The following TRPM6 variants were observed in gnomAD, a reference collection of about 807,000 sequenced individuals.
TRPM6 encodes channel kinase 2.
In TRPM6, 111 loss-of-function variants were observed where a neutral mutation model predicts 247.6. The ratio of observed to expected loss-of-function variants is 0.45; its 90% CI spans 0.38 to 0.52. The LOEUF is 0.52. Ranked by LOEUF, TRPM6 falls within the 20% of genes least tolerant of loss-of-function variation. TRPM6 has a pLI of 0.00. For synonymous variants in TRPM6, 892 were observed against 853.8 expected, an observed-to-expected ratio of 1.04 and a Z score of -0.78; for missense variants, 2,126 against 2,421.5, an observed-to-expected ratio of 0.88 and a Z score of 2.56.
chr9:74,843,789 TG>T (rs1387773765), intron 3 of TRPM6, among the ~76,000 whole-genome samples: 1 of 133,774 alleles, frequency 7.5e-6, no homozygotes, highest in African/African-American at 2.9e-5. Flanking sequence ...CACTTCAGCC[TG>T]GGCGACAAAG....
Position 74,723,828 on chromosome 9 carries a change from A to T in TRPM6, c.*785T>A, listed in dbSNP as rs28683721. The stretch of plus-strand genomic sequence containing the variant: ...TAAAAATATATATATATATATATAA[A>T]ATATATATATTCCATATGTATTTTA... On this transcript the variant is annotated 3_prime_UTR_variant, in exon 39 of 39. Coordinates refer to ENST00000360774, the MANE Select transcript of TRPM6 (RefSeq NM_017662.5). 7.1e-6 allele frequency: 1 copy of T among 141,222 alleles called. No homozygotes were observed. The highest frequency in any genetic ancestry group is 2.6e-5 in the African/African-American group (1 of 38,604). 8.7% of individuals were successfully genotyped at this position (141,222 alleles called of 1,614,324 possible). A position where few individuals can be genotyped will look rare whatever the true frequency, so the allele number is the denominator to read the frequency against.
chr9:74,791,504 A>T (rs575101266), intron 19 of TRPM6, among the ~76,000 whole-genome samples: 14 of 151,642 alleles, frequency 9.2e-5, no homozygotes, highest in East Asian at 3.9e-4. Flanking sequence ...AAAAATATTT[A>T]AAAAAAAAGA....
chr9:74,862,419 T>C (rs1030775343), intron 1 of TRPM6, among the ~76,000 whole-genome samples: 2 of 152,160 alleles, frequency 1.3e-5, no homozygotes, highest in Non-Finnish European at 2.9e-5. Context: ...GCTTTTTAAT[T>C]GTTGTAATTT....
chr9:74,879,585 C>T (rs1384989360), intron 1 of TRPM6, among the ~76,000 whole-genome samples: 2 of 152,144 alleles, frequency 1.3e-5, no homozygotes, highest in Non-Finnish European at 2.9e-5. Context: ...GGCCTTAAGT[C>T]CCTTCCCAGA....
At chr9:74,781,810 A>T (rs1442002992) in intron 23 of TRPM6, among the ~76,000 whole-genome samples, 1 of 152,144 alleles carries the variant, frequency 6.6e-6, no homozygotes, top group Non-Finnish European at 1.5e-5. Context: ...GTTACATTGT[A>T]CTTTCCCCCC....
chr9:74,740,201 G>C (rs533695101), intron 33 of TRPM6, among the ~76,000 whole-genome samples, 192 bp from the exon 34 acceptor site: 1 of 152,216 alleles, frequency 6.6e-6, no homozygotes, highest in East Asian at 1.9e-4. Flanking sequence ...TTGTCTAGTA[G>C]ATGTGGGGAA....
chr9:74,823,585 A>T (rs146845976), intron 7 of TRPM6, among the ~76,000 whole-genome samples: 1 of 152,122 alleles, frequency 6.6e-6, no homozygotes, highest in Non-Finnish European at 1.5e-5. Flanking sequence ...TATTTTCTCC[A>T]TATCACTAAA....
chr9:74,857,150 G>A (rs12378991), intron 2 of TRPM6, among the ~76,000 whole-genome samples: 8,653 of 152,104 alleles, frequency 0.057, 311 homozygotes, highest in Middle Eastern at 0.11. Flanking sequence ...AAAAAATGAA[G>A]GGGAAAAACA....
At chr9:74,808,204 C>A (rs1486158931) in intron 13 of TRPM6, 30 bp from the exon 14 acceptor site, 6 of 1,613,564 alleles carry the variant, frequency 3.7e-6, no homozygotes, top group Non-Finnish European at 3.4e-6. Flanking sequence ...CGACTTTTAA[C>A]TTTTAGTTAT....
chr9:74,803,816 G>A lies in TRPM6; in HGVS notation c.1709C>T (p.Thr570Ile), dbSNP rs1387972062. The A allele has an allele frequency of 6.2e-7, 1 of 1,612,666 alleles. No individual in the cohort carries two copies. Among genetic ancestry groups the A allele is most frequent in the Admixed American group, 1.7e-5 (1 of 60,018 alleles). Residue 570 changes from threonine (T) to isoleucine (I), a missense_variant, in exon 15 of 39, where the codon ACT (threonine) becomes ATT (isoleucine). This residue lies in a region of TRPM6 where 1,082 missense variants were observed against 1,307.9 expected (regional missense o/e 0.83). Transcript: ENST00000360774. ...TACCTTGAATTTGTATGGCTGTGCA[G>A]TTCTAATGAACTGGGAGTGCAGCGT... The part of the protein sequence containing the change: ...ESTLHSQFIR[T>I]AQPYKFKEKS...
chr9:74,741,845 C>G (rs1825873962), intron 33 of TRPM6, among the ~76,000 whole-genome samples: 1 of 151,674 alleles, frequency 6.6e-6, no homozygotes, highest in East Asian at 1.9e-4. Flanking sequence ...AGCCAAGATC[C>G]CGCCATTGCA....
Position 74,809,079 on chromosome 9 carries a change from G to A in TRPM6, c.1498-905C>T, listed in dbSNP as rs149107954. On this transcript the variant is annotated intron_variant, in intron 13 of 38. Transcript: ENST00000360774. ...TAGCATATGCACTTGGCCAAGCTGA[G>A]TAACTATCTGAAACTCCATACAGGC... Among the ~76,000 whole-genome samples the A allele has an allele frequency of 1.2e-3, 176 of 152,280 alleles. 1 individual carries two copies. The highest frequency in any genetic ancestry group is 4.0e-3 in the African/African-American group (168 of 41,552).
intron 6 of TRPM6, 84 bp downstream of exon 6, chr9:74,833,914 T>C: frequency 6.4e-7 from 1 of 1,557,428 alleles, no homozygotes; most frequent in South Asian, 1.1e-5. Flanking sequence ...TAATGTTCAT[T>C]CATTAGACAT....
At chr9:74,787,153 G>A (rs1407044605) in intron 20 of TRPM6, among the ~76,000 whole-genome samples, 2 of 152,120 alleles carry the variant, frequency 1.3e-5, no homozygotes, top group Non-Finnish European at 2.9e-5. Context: ...TGGCCAACAT[G>A]GTGAAACCCT....
rs1563991321 is a variant in TRPM6 at position 74,739,973 on chromosome 9, C to G, written c.5237G>C (p.Ser1746Thr). 8 of 1,614,128 alleles carry G rather than the reference C, an allele frequency of 5.0e-6. No homozygotes were observed. The highest frequency in any genetic ancestry group is 6.8e-6 in the Non-Finnish European group (8 of 1,180,026). ...EEITVYRLEE[S>T]SPLNLDKSMS... ...GCTTTTATCAAGGTTTAAAGGGGAA[C>G]TCTCCTCCAACCTGTAGACAGTTAT... The change falls in exon 34 of 39, where the codon AGT becomes ACT. Residue 1746 changes from serine (S) to threonine (T), a missense_variant. By Grantham distance (58) the Ser-to-Thr change is moderately conservative (BLOSUM62 1). Coordinates refer to ENST00000360774, the MANE Select transcript of TRPM6 (RefSeq NM_017662.5).
intron 1 of TRPM6, among the ~76,000 whole-genome samples, chr9:74,876,930 C>T (rs1203983468): frequency 2.0e-5 from 3 of 152,238 alleles, no homozygotes; most frequent in African/African-American, 7.2e-5. Flanking sequence ...AAATAAGTGC[C>T]ACACAAAGGA....
At chr9:74,789,604 G>A (rs1268709238) in intron 19 of TRPM6, among the ~76,000 whole-genome samples, 2 of 152,134 alleles carry the variant, frequency 1.3e-5, no homozygotes, top group African/African-American at 4.8e-5. Flanking sequence ...GTATGAGACT[G>A]CAGTCCTCTA....
chr9:74,769,527 G>T (rs1306443495), intron 25 of TRPM6, among the ~76,000 whole-genome samples: 1 of 152,048 alleles, frequency 6.6e-6, no homozygotes, highest in Non-Finnish European at 1.5e-5. Flanking sequence ...GGGAGGTCGA[G>T]GGGGGCGGAT....
At chr9:74,809,468 A>G (rs536425158) in intron 13 of TRPM6, among the ~76,000 whole-genome samples, 54 of 152,346 alleles carry the variant, frequency 3.5e-4, no homozygotes, top group African/African-American at 1.2e-3. Context: ...TAAATAATTT[A>G]ATTTTTCTTT....
Sources: gnomAD v4.1 joint callset for allele counts (sites outside exome capture counted in the v4.1 genomes callset) on GRCh38, gnomAD v4.1.1 for gene constraint, gnomAD v4.1.1 regional missense constraint, MANE v1.5 for transcripts, NCBI Gene and HGNC (gene_info 2026-07-23, HGNC 2026-07-21) for gene names.